The following RACGAP1 variants were observed in gnomAD, a reference collection of about 807,000 sequenced individuals.
RACGAP1 encodes the protein rac GTPase-activating protein 1.
In RACGAP1, 30 loss-of-function variants were observed where a neutral mutation model predicts 78.1. The ratio of observed to expected loss-of-function variants is 0.38; its 90% CI spans 0.29 to 0.52. RACGAP1 has a LOEUF of 0.52. Ranked by LOEUF, RACGAP1 falls within the 20% of genes least tolerant of loss-of-function variation. The pLI is 0.82. For missense variants in RACGAP1, 587 were observed against 777.1 expected (o/e 0.76, Z 2.91); for synonymous variants, 231 against 264.8 (o/e 0.87, Z 1.24).
At chr12:50,018,554 G>A (rs1311902155) in intron 1 of RACGAP1, 2 of 1,288,790 alleles carry the variant, frequency 1.6e-6, no homozygotes, top group Non-Finnish European at 2.0e-6. Context: ...CAGGACATTG[G>A]GTAGTCAATT....
Position 49,994,250 on chromosome 12 carries a change from G to A in RACGAP1, c.1220C>T (p.Pro407Leu), listed in dbSNP as rs1483965977. ...GATATCATCCACTTTGCTGAGGAGG[G>A]GTACAGTTTTCACTCTGAGGAATTT... ...KEKFLRVKTV[P>L]LLSKVDDIHA... The change falls in exon 12 of 17, where the codon CCC (proline) becomes CTC (leucine). Residue 407 changes from proline (P) to leucine (L), a missense_variant. Pro to Leu is a moderately conservative substitution (Grantham distance 98). Coordinates refer to ENST00000312377, the MANE Select transcript of RACGAP1 (RefSeq NM_001319999.2). 1 of 1,614,080 alleles carries A rather than the reference G, an allele frequency of 6.2e-7. No individual in the cohort carries two copies. Among genetic ancestry groups the A allele is most frequent in the African/African-American group, 1.3e-5 (1 of 75,014 alleles).
intron 12 of RACGAP1, 31 bp downstream of exon 12, chr12:49,994,100 A>C: frequency 2.0e-6 from 3 of 1,537,900 alleles, no homozygotes; most frequent in Non-Finnish European, 2.7e-6. Context: ...CCGTGGAGGA[A>C]TTCATATTCA....
chr12:50,031,133 A>T (rs943078906), intron 2 of RACGAP1, among the ~76,000 whole-genome samples: 2 of 152,072 alleles, frequency 1.3e-5, no homozygotes, highest in African/African-American at 2.4e-5. Flanking sequence ...TTCTAATCAT[A>T]TATCTCCCTT....
At chr12:50,016,933 TTCAGACCTTTGAATATAACAGCCCC>T in intron 1 of RACGAP1, 1 of 1,330,294 alleles carries the variant, frequency 7.5e-7, no homozygotes, top group Non-Finnish European at 9.6e-7. Flanking sequence ...AGAAAACCAT[TTCAGACCTTTGAATATAACAGCCCC>T]TCCAATCACT....
At chr12:49,994,618 G>A in intron 10 of RACGAP1, 109 bp from the exon 11 acceptor site, 1 of 1,454,494 alleles carries the variant, frequency 6.9e-7, no homozygotes. Flanking sequence ...GGGACATCAT[G>A]TCTACTTTTA....
chr12:50,010,944 A>AC (rs2137522393), intron 2 of RACGAP1, among the ~76,000 whole-genome samples: 1 of 151,658 alleles, frequency 6.6e-6, no homozygotes, highest in South Asian at 2.1e-4. Flanking sequence ...TCAAAAAAAA[A>AC]ATGAATACAA....
At chr12:50,011,953 CAAAAAAAA>C (rs771572498) in intron 2 of RACGAP1, among the ~76,000 whole-genome samples, 3 of 34,502 alleles carry the variant, frequency 8.7e-5, no homozygotes, top group Admixed American at 6.1e-4. Context: ...GACTCCGTCT[CAAAAAAAA>C]AAAAAAAAAA....
At chr12:50,008,540 T>C (rs1055332515) in intron 2 of RACGAP1, among the ~76,000 whole-genome samples, 18 of 135,430 alleles carry the variant, frequency 1.3e-4, no homozygotes, top group Non-Finnish European at 2.6e-4. Flanking sequence ...TCACCCAGAC[T>C]GGAGTGCAGT....
intron 2 of RACGAP1, chr12:50,031,633 C>G: frequency 1.0e-6 from 1 of 960,440 alleles, no homozygotes; most frequent in Non-Finnish European, 1.2e-6. Flanking sequence ...CTTCCCTGTG[C>G]GCCAGCACTC....
intron 15 of RACGAP1, among the ~76,000 whole-genome samples, chr12:49,991,470 TATATATATA>T (rs1187892978): frequency 3.5e-5 from 1 of 28,778 alleles, no homozygotes; most frequent in Non-Finnish European, 1.1e-4. Context: ...TATATATATA[TATATATATA>T]TTTTTTTTTT....
chr12:49,997,070 G>T lies in RACGAP1; in HGVS notation c.1014C>A (p.Thr338=), dbSNP rs1948341548. ...RDRCPLPCIP[T]LIGTPVKIGE... Reference sequence around the variant, plus strand: ...CAATCTTGACAGGTGTTCCTATCAGGGTAGGAATGCAGGGAAGGGGACAGC... The same window carrying T: ...CAATCTTGACAGGTGTTCCTATCAGTGTAGGAATGCAGGGAAGGGGACAGC... The change falls in exon 10 of 17, where the codon ACC becomes ACA. Residue 338 remains threonine (T), a synonymous_variant. Coordinates refer to ENST00000312377, the MANE Select transcript of RACGAP1 (RefSeq NM_001319999.2). The T allele has an allele frequency of 1.3e-6, 2 of 1,587,188 alleles. No individual in the cohort carries two copies. The highest frequency in any genetic ancestry group is 1.3e-5 in the African/African-American group (1 of 74,342).
chr12:50,029,410 CAAACA>C (rs1289581749), upstream of RACGAP1, among the ~76,000 whole-genome samples: 3 of 149,920 alleles, frequency 2.0e-5, no homozygotes, highest in Admixed American at 1.3e-4. Flanking sequence ...AACAAACAAA[CAAACA>C]AAAAACAGCA....
At chr12:49,998,345 A>C (rs1056948321) in intron 9 of RACGAP1, among the ~76,000 whole-genome samples, 1 of 152,028 alleles carries the variant, frequency 6.6e-6, no homozygotes, top group African/African-American at 2.4e-5. Flanking sequence ...CAGAGGTTGC[A>C]GTGAGCCGAA....
chr12:50,003,049 T>C (rs1346322075), intron 5 of RACGAP1, among the ~76,000 whole-genome samples: 3 of 150,862 alleles, frequency 2.0e-5, no homozygotes, highest in Non-Finnish European at 4.4e-5. Flanking sequence ...AAAAAAGTTC[T>C]ACAGTTTAGG....
chr12:50,031,783 T>C, exon 2 of RACGAP1: 1 of 984,724 alleles, frequency 1.0e-6, no homozygotes, highest in African/African-American at 1.7e-5. Flanking sequence ...CTCCCTTTCA[T>C]ACTCCTGATT....
At chr12:50,031,478 CAAAAAAAAAAAAA>C (rs56229939) in intron 2 of RACGAP1, among the ~76,000 whole-genome samples, 4 of 71,896 alleles carry the variant, frequency 5.6e-5, no homozygotes, top group Non-Finnish European at 7.9e-5. Context: ...GACTCCATCT[CAAAAAAAAAAAAA>C]AAAAAAAAAG....
Position 49,996,628 on chromosome 12 carries a change from T to TGAA in RACGAP1, c.1044+411_1044+412insTTC, listed in dbSNP as rs1948286731. Among the ~76,000 whole-genome samples the TGAA allele has an allele frequency of 4.7e-4, 9 of 18,990 alleles. 1 individual carries two copies. Among genetic ancestry groups the TGAA allele is most frequent in the African/African-American group, 2.0e-3 (9 of 4,430 alleles). The allele number at this position is 18,990 out of a possible 152,430, so 12.5% of individuals were successfully genotyped here. A position where few individuals can be genotyped will look rare whatever the true frequency, so the allele number is the denominator to read the frequency against. On this transcript the variant is annotated intron_variant, in intron 10 of 16. Transcript: ENST00000312377. ...TGCACTCCAGCCTAGGCAATAGAGC[T>TGAA]AAAAAAAAAAAAAAAAAAAAAAAAA...
chr12:50,031,606 C>T (rs1406874547), intron 2 of RACGAP1: 3 of 847,954 alleles, frequency 3.5e-6, no homozygotes, highest in Non-Finnish European at 4.3e-6. Flanking sequence ...CTACCATTTC[C>T]ACCTGGGGCC....
intron 1 of RACGAP1, among the ~76,000 whole-genome samples, chr12:50,023,854 G>A (rs1592240441): frequency 6.6e-6 from 1 of 152,274 alleles, no homozygotes; most frequent in Non-Finnish European, 1.5e-5. Flanking sequence ...CCACTAATGG[G>A]TATAAGGGTA....
Sources: gnomAD v4.1 joint callset for allele counts (sites outside exome capture counted in the v4.1 genomes callset) on GRCh38, gnomAD v4.1.1 for gene constraint, MANE v1.5 for transcripts, NCBI Gene and HGNC (gene_info 2026-07-23, HGNC 2026-07-21) for gene names.